Variants in MALRD1 observed in about 807,000 individuals in gnomAD.
MALRD1 encodes the protein MAM and LDL receptor class A domain containing 1.
A neutral mutation model predicts 242.1 loss-of-function variants in MALRD1; 247 were observed. The ratio of observed to expected loss-of-function variants is 1.02; its 90% CI spans 0.92 to 1.13. The LOEUF is 1.13. Among genes scored for constraint, MALRD1 ranks in the 50% most tolerant of loss-of-function variants. MALRD1 has a pLI of 0.00. For missense variants in MALRD1, 2,989 were observed against 2,533.1 expected, an observed-to-expected ratio of 1.18 and a Z score of -3.86; for synonymous variants, 995 against 866.6, an observed-to-expected ratio of 1.15 and a Z score of -2.60.
intron 28 of MALRD1, among the ~76,000 whole-genome samples, chr10:19,403,755 G>C (rs1311743157): frequency 6.6e-6 from 1 of 152,046 alleles, no homozygotes; most frequent in African/African-American, 2.4e-5. Flanking sequence ...ACCAAAGTTA[G>C]AGCTGCATAT....
intron 8 of MALRD1, among the ~76,000 whole-genome samples, chr10:19,132,935 T>A (rs1418754557): frequency 2.0e-5 from 3 of 152,084 alleles, no homozygotes; most frequent in African/African-American, 4.8e-5. Context: ...TAGACTTTTT[T>A]ATTTTATTTA....
chr10:19,108,000 A>G (rs530878906), intron 5 of MALRD1, among the ~76,000 whole-genome samples: 5 of 152,232 alleles, frequency 3.3e-5, no homozygotes, highest in African/African-American at 9.6e-5. Context: ...TCTAAGGCAG[A>G]CTTTGGGCTT....
rs1048426242 is a variant in MALRD1 at position 19,484,724 on chromosome 10, G to T, written c.5030-6793G>T. On this transcript the variant is annotated intron_variant, in intron 29 of 39. Transcript: ENST00000454679. ...AGGGAACATTTATACACCACTGATG[G>T]AAATGTAAACTAATACAACCTCTAT... 2.0e-5 allele frequency among the ~76,000 whole-genome samples: 3 copies of T among 152,292 alleles called. No homozygotes were observed. The East Asian group carries it at 5.8e-4, about 29-fold the overall frequency.
intron 26 of MALRD1, among the ~76,000 whole-genome samples, chr10:19,369,292 T>C (rs1845260969): frequency 2.7e-5 from 4 of 146,984 alleles, no homozygotes; most frequent in Admixed American, 1.4e-4. Flanking sequence ...ATAATATATA[T>C]TATGTGATAT....
intron 38 of MALRD1, among the ~76,000 whole-genome samples, chr10:19,701,156 AT>A (rs1400272101): frequency 3.9e-5 from 6 of 152,114 alleles, no homozygotes. Flanking sequence ...CTCTCTAAAA[AT>A]AACATAAAAT....
At chr10:19,264,098 A>G (rs1220052578) in intron 19 of MALRD1, among the ~76,000 whole-genome samples, 1 of 152,092 alleles carries the variant, frequency 6.6e-6, no homozygotes. Flanking sequence ...TGTATTAGGG[A>G]GCATTTCTTC....
intron 26 of MALRD1, among the ~76,000 whole-genome samples, chr10:19,381,117 A>G (rs997238410): frequency 7.3e-6 from 1 of 136,576 alleles, no homozygotes; most frequent in African/African-American, 2.8e-5. Flanking sequence ...TGTCCATGTG[A>G]TCTCATTGTT....
chr10:19,679,351 A>G (rs777870290), intron 36 of MALRD1, among the ~76,000 whole-genome samples: 1 of 152,162 alleles, frequency 6.6e-6, no homozygotes, highest in Non-Finnish European at 1.5e-5. Flanking sequence ...TTATTGGTCT[A>G]TTCAGGGATT....
chr10:19,537,491 TTCTC>T (rs1453132930), intron 32 of MALRD1, among the ~76,000 whole-genome samples: 1 of 152,062 alleles, frequency 6.6e-6, no homozygotes, highest in Non-Finnish European at 1.5e-5. Flanking sequence ...GAGAGCGCTC[TTCTC>T]TCTCTCCTTT....
chr10:19,262,798 T>A (rs889866811), intron 19 of MALRD1, among the ~76,000 whole-genome samples: 1 of 152,172 alleles, frequency 6.6e-6, no homozygotes, highest in Non-Finnish European at 1.5e-5. Context: ...CTCCATTTCT[T>A]TCATCCCTCG....
intron 21 of MALRD1, among the ~76,000 whole-genome samples, chr10:19,297,332 A>G (rs549179161): frequency 6.6e-6 from 1 of 151,982 alleles, no homozygotes; most frequent in East Asian, 1.9e-4. Context: ...TCACTGTAAA[A>G]TAATTTAAAA....
chr10:19,259,687 G>A (rs2499074), intron 19 of MALRD1, among the ~76,000 whole-genome samples: 151,650 of 152,194 alleles, frequency 1, 75,554 homozygotes, highest in Middle Eastern at 1. Context: ...GCCAAACCAT[G>A]TCATATGGTT....
At position 19,588,896 on chromosome 10, in the gene MALRD1, G is replaced by A. The variant is rs562735572; in HGVS notation, c.5681-6298G>A. On this transcript the variant is annotated intron_variant, in intron 33 of 39. Transcript: ENST00000454679. ...GACCTCAAGTCATCCGACCGCCTTG[G>A]CCTTCCAAAGTGCCAGGATTACAGG... 2.2e-3 allele frequency among the ~76,000 whole-genome samples: 339 copies of A among 152,238 alleles called. 3 individuals carry two copies. Among genetic ancestry groups the A allele is most frequent in the Middle Eastern group, 6.8e-3 (2 of 294 alleles).
chr10:19,431,565 A>G (rs1430774881), intron 28 of MALRD1, among the ~76,000 whole-genome samples: 2 of 152,184 alleles, frequency 1.3e-5, no homozygotes, highest in Non-Finnish European at 2.9e-5. Flanking sequence ...TTCACGTTGA[A>G]CATTTTGCTT....
At chr10:19,127,449 T>G (rs2131390819) in intron 7 of MALRD1, among the ~76,000 whole-genome samples, 1 of 152,312 alleles carries the variant, frequency 6.6e-6, no homozygotes. Context: ...CATGTTCTTG[T>G]TTTTGTCTTT....
chr10:19,705,420 G>A (rs540413385), intron 38 of MALRD1, among the ~76,000 whole-genome samples: 8 of 152,208 alleles, frequency 5.3e-5, no homozygotes, highest in Admixed American at 3.3e-4. Context: ...TGGCAAAACC[G>A]TTACTCTCTC....
chr10:19,165,265 A>ATATATATATATATATATATATATATATT, intron 12 of MALRD1, among the ~76,000 whole-genome samples: 15 of 130,296 alleles, frequency 1.2e-4, no homozygotes, highest in African/African-American at 3.6e-4. Context: ...ATATATATAT[A>ATATATATATATATATATATATATATATT]TTTTGTTTTG....
chr10:19,583,106 G>T, intron 33 of MALRD1, among the ~76,000 whole-genome samples: 1 of 101,962 alleles, frequency 9.8e-6, no homozygotes. Flanking sequence ...TTGCTTATCA[G>T]CTTAAGGAGA....
At chr10:19,653,519 CAG>C (rs1355945771) in intron 36 of MALRD1, among the ~76,000 whole-genome samples, 6 of 152,138 alleles carry the variant, frequency 3.9e-5, no homozygotes, top group Non-Finnish European at 8.8e-5. Context: ...AAAAGTGAAA[CAG>C]AAATAGTAGC....
Sources: gnomAD v4.1 joint callset for allele counts (sites outside exome capture counted in the v4.1 genomes callset) on GRCh38, gnomAD v4.1.1 for gene constraint, MANE v1.5 for transcripts, NCBI Gene and HGNC (gene_info 2026-07-23, HGNC 2026-07-21) for gene names.